The following PDE1A variants were observed in gnomAD, a reference collection of about 807,000 sequenced individuals.
PDE1A encodes dual specificity calcium/calmodulin-dependent 3',5'-cyclic nucleotide phosphodiesterase 1A.
Under a neutral mutation model 61.7 loss-of-function variants are expected in PDE1A, and 35 were observed. That is an observed-to-expected ratio of 0.57 (90% confidence interval 0.43 to 0.75). The LOEUF is 0.75. Among genes scored for constraint, PDE1A ranks in the 30% least tolerant of loss-of-function variants. PDE1A has a pLI of 0.00. For missense variants in PDE1A, 597 were observed against 630.6 expected, an observed-to-expected ratio of 0.95 and a Z score of 0.57; for synonymous variants, 232 against 213.2, an observed-to-expected ratio of 1.09 and a Z score of -0.77.
At chr2:182,580,325 G>A in the PDE1A span, among the ~76,000 whole-genome samples, 1 of 152,096 alleles carries the variant, frequency 6.6e-6, no homozygotes, top group African/African-American at 2.4e-5. Flanking sequence ...CTAGAAATTT[G>A]AGATCCAGAT....
intron 1 of PDE1A, among the ~76,000 whole-genome samples, chr2:182,283,284 TGTTTTGACCAC>T (rs1219183542): frequency 2.0e-5 from 3 of 151,988 alleles, no homozygotes; most frequent in African/African-American, 7.2e-5. Context: ...TCTGATGTAA[TGTTTTGACCAC>T]CAAATCTTTC....
chr2:182,233,615 T>G (rs1349723176), intron 4 of PDE1A, among the ~76,000 whole-genome samples: 1 of 152,196 alleles, frequency 6.6e-6, no homozygotes, highest in African/African-American at 2.4e-5. Context: ...GATCTGCTGC[T>G]GCCAATATCC....
In PDE1A at chr2:182,273,214, A is replaced by G. The variant is rs930343603; in HGVS notation, c.54-8800T>C. The stretch of plus-strand genomic sequence containing the variant: ...AAGAATTTTAATGATGTAGTTCCCT[A>G]TTTAAGTAAAATGTCCAAGTCACAA... On this transcript the variant is annotated intron_variant, in intron 1 of 13. Transcript: ENST00000351439. Among the ~76,000 whole-genome samples the G allele has an allele frequency of 3.9e-5, 6 of 152,250 alleles. No individual in the cohort carries two copies. In the East Asian group the frequency reaches 7.7e-4, roughly 20 times the overall value.
chr2:182,178,214 C>T (rs368058841), intron 13 of PDE1A, among the ~76,000 whole-genome samples: 25 of 152,254 alleles, frequency 1.6e-4, no homozygotes, highest in African/African-American at 6.0e-4. Context: ...CACATCCATG[C>T]ATGGCTAAAA....
the PDE1A span, among the ~76,000 whole-genome samples, chr2:182,656,651 A>G: frequency 2.0e-5 from 3 of 152,226 alleles, no homozygotes; most frequent in East Asian, 5.8e-4. Flanking sequence ...AAAACAAGAA[A>G]AGCCTATTTG....
At chr2:182,358,316 TA>T (rs1328879894) in intron 1 of PDE1A, among the ~76,000 whole-genome samples, 2 of 152,264 alleles carry the variant, frequency 1.3e-5, no homozygotes, top group East Asian at 3.9e-4. Flanking sequence ...TTCTTAAATT[TA>T]CCTTGTGTTT....
chr2:182,652,853 A>G, the PDE1A span, among the ~76,000 whole-genome samples: 2 of 152,144 alleles, frequency 1.3e-5, no homozygotes, highest in African/African-American at 4.8e-5. Flanking sequence ...TTTTGCTGAT[A>G]TAGGTTGCTT....
At chr2:182,565,874 C>A in the PDE1A span, among the ~76,000 whole-genome samples, 1 of 152,158 alleles carries the variant, frequency 6.6e-6, no homozygotes, top group African/African-American at 2.4e-5. Flanking sequence ...ATCCACTCTT[C>A]GTAGAAATTA....
intron 1 of PDE1A, among the ~76,000 whole-genome samples, chr2:182,383,951 C>T (rs773513809): frequency 7.2e-5 from 11 of 152,248 alleles, no homozygotes; most frequent in Non-Finnish European, 1.2e-4. Context: ...TCTCATACTC[C>T]GTGATGGTAC....
At chr2:182,198,832 A>G (rs1686362437) in intron 10 of PDE1A, among the ~76,000 whole-genome samples, 1 of 151,870 alleles carries the variant, frequency 6.6e-6, no homozygotes, top group Non-Finnish European at 1.5e-5. Flanking sequence ...ATGCTGTCAA[A>G]TTTTCCTCTT....
chr2:182,412,075 G>A (rs1354759960), intron 1 of PDE1A, among the ~76,000 whole-genome samples: 1 of 142,066 alleles, frequency 7.0e-6, no homozygotes, highest in Non-Finnish European at 1.5e-5. Flanking sequence ...AAAAAAAAAA[G>A]ATTATCTATT....
At chr2:182,162,329 A>G (rs1472069257) in intron 13 of PDE1A, among the ~76,000 whole-genome samples, 1 of 152,208 alleles carries the variant, frequency 6.6e-6, no homozygotes, top group Non-Finnish European at 1.5e-5. Context: ...AACAATCAGA[A>G]TAATCTGACT....
At chr2:182,157,185 T>C (rs1691139438) in intron 13 of PDE1A, among the ~76,000 whole-genome samples, 1 of 151,864 alleles carries the variant, frequency 6.6e-6, no homozygotes, top group Non-Finnish European at 1.5e-5. Context: ...TGGATAATTT[T>C]TGTATTTTTA....
intron 6 of PDE1A, among the ~76,000 whole-genome samples, chr2:182,228,307 T>C (rs1689298610): frequency 6.6e-6 from 1 of 152,154 alleles, no homozygotes; most frequent in Non-Finnish European, 1.5e-5. Context: ...TTGCAATCCC[T>C]TTCAGGAATG....
At chr2:182,269,596 C>A (rs1692876010) in intron 1 of PDE1A, among the ~76,000 whole-genome samples, 1 of 151,954 alleles carries the variant, frequency 6.6e-6, no homozygotes, top group South Asian at 2.1e-4. Flanking sequence ...CTTCTGAACT[C>A]ATTCTAGGTG....
chr2:182,222,623 A>G (rs925960560), intron 7 of PDE1A, among the ~76,000 whole-genome samples: 2 of 152,066 alleles, frequency 1.3e-5, no homozygotes, highest in African/African-American at 4.8e-5. Context: ...GTTAATAACA[A>G]CGAAACTTTA....
intron 7 of PDE1A, among the ~76,000 whole-genome samples, chr2:182,219,237 TGAATAC>T (rs1197274879): frequency 1.3e-5 from 2 of 152,180 alleles, no homozygotes; most frequent in Non-Finnish European, 2.9e-5. Flanking sequence ...TTTAAAATGA[TGAATAC>T]ATCAAGGGAA....
At chr2:182,363,407 A>C (rs1699628098) in intron 1 of PDE1A, among the ~76,000 whole-genome samples, 1 of 151,980 alleles carries the variant, frequency 6.6e-6, no homozygotes, top group Non-Finnish European at 1.5e-5. Context: ...AGAAGATTCC[A>C]AGTGTTATTG....
At chr2:182,352,482 A>C (rs1477899719) in intron 1 of PDE1A, among the ~76,000 whole-genome samples, 1 of 152,232 alleles carries the variant, frequency 6.6e-6, no homozygotes, top group East Asian at 1.9e-4. Flanking sequence ...TTCTACAAAA[A>C]TGGGGCTCAA....
Sources: allele counts gnomAD v4.1 joint callset (sites outside exome capture counted in the v4.1 genomes callset), GRCh38; gene constraint gnomAD v4.1.1; transcripts MANE v1.5; gene names NCBI Gene and HGNC (gene_info 2026-07-23, HGNC 2026-07-21).